The following PACRG variants were observed in gnomAD, a reference collection of about 807,000 sequenced individuals.
PACRG encodes parkin coregulated gene protein.
A neutral mutation model predicts 29.7 loss-of-function variants in PACRG; 29 were observed. The ratio of observed to expected loss-of-function variants is 0.98; its 90% CI spans 0.73 to 1.33. PACRG has a LOEUF of 1.33. Among genes scored for constraint, PACRG ranks in the 40% most tolerant of loss-of-function variants. The pLI, the probability that PACRG is intolerant of heterozygous loss-of-function variation, is 0.00. For synonymous variants in PACRG, 116 were observed against 118.7 expected (o/e 0.98, Z 0.15); for missense variants, 279 against 316.2 (o/e 0.88, Z 0.89).
Position 162,895,902 on chromosome 6 carries a change from T to G in PACRG, c.291+81621T>G, listed in dbSNP as rs576603949. On this transcript the variant is annotated intron_variant, in intron 2 of 4. Transcript: ENST00000366888. ...AACAGTTTCTATTATTTGTAACTTT[T>G]TCTTTGTAGTGTTTACTGTGAAGAT... Among the ~76,000 whole-genome samples, 4 of 152,368 alleles carry G rather than the reference T, an allele frequency of 2.6e-5. No homozygotes were observed. In the South Asian group the frequency reaches 8.3e-4, roughly 32 times the overall value.
At chr6:162,905,132 G>T (rs1179632031) in intron 2 of PACRG, among the ~76,000 whole-genome samples, 1 of 152,172 alleles carries the variant, frequency 6.6e-6, no homozygotes, top group Non-Finnish European at 1.5e-5. Flanking sequence ...ACAAGGTGGT[G>T]GTGGCCTCGT....
At chr6:162,857,104 A>G (rs961816580) in intron 2 of PACRG, among the ~76,000 whole-genome samples, 2 of 152,220 alleles carry the variant, frequency 1.3e-5, no homozygotes, top group South Asian at 4.2e-4. Flanking sequence ...CGGGGTGGGT[A>G]AAGAGGGGAG....
intron 4 of PACRG, among the ~76,000 whole-genome samples, chr6:163,222,120 CT>C (rs1781605947): frequency 6.6e-6 from 1 of 152,138 alleles, no homozygotes; most frequent in Admixed American, 6.5e-5. Flanking sequence ...ATTTTGTAAA[CT>C]TTTATTATAG....
At chr6:163,192,385 T>A (rs900568859) in intron 4 of PACRG, among the ~76,000 whole-genome samples, 4 of 152,278 alleles carry the variant, frequency 2.6e-5, no homozygotes, top group Non-Finnish European at 5.9e-5. Flanking sequence ...ATCCATTGTT[T>A]AGAACTGTAA....
intron 1 of PACRG, among the ~76,000 whole-genome samples, chr6:162,780,938 T>G (rs1050844128): frequency 6.6e-6 from 1 of 151,964 alleles, no homozygotes; most frequent in Non-Finnish European, 1.5e-5. Context: ...GTAATTCAAG[T>G]CACTGAATGA....
chr6:163,015,347 A>C (rs1282892334), intron 2 of PACRG, among the ~76,000 whole-genome samples: 2 of 152,118 alleles, frequency 1.3e-5, no homozygotes, highest in Middle Eastern at 3.2e-3. Flanking sequence ...TTCTGGTTCT[A>C]TATGAATTTT....
chr6:162,881,408 G>A (rs1162156381), intron 2 of PACRG, among the ~76,000 whole-genome samples: 1 of 152,136 alleles, frequency 6.6e-6, no homozygotes, highest in Non-Finnish European at 1.5e-5. Context: ...AATCCGGTGG[G>A]AAATTTAAAT....
At chr6:162,781,124 A>G (rs957149513) in intron 1 of PACRG, among the ~76,000 whole-genome samples, 32 of 152,058 alleles carry the variant, frequency 2.1e-4, no homozygotes, top group African/African-American at 7.7e-4. Context: ...TAATAAGGAG[A>G]ACATCTTAAC....
At chr6:163,293,735 A>G (rs1262439838) in intron 4 of PACRG, among the ~76,000 whole-genome samples, 1 of 152,222 alleles carries the variant, frequency 6.6e-6, no homozygotes. Context: ...CTGAAATATT[A>G]AAGTAAGGTA....
At chr6:163,196,359 A>G (rs1335667821) in intron 4 of PACRG, among the ~76,000 whole-genome samples, 1 of 152,184 alleles carries the variant, frequency 6.6e-6, no homozygotes, top group Admixed American at 6.5e-5. Flanking sequence ...TTTCGCCAAC[A>G]TGTATCCGCT....
At chr6:162,961,216 T>C (rs1800589782) in intron 2 of PACRG, among the ~76,000 whole-genome samples, 1 of 152,238 alleles carries the variant, frequency 6.6e-6, no homozygotes, top group African/African-American at 2.4e-5. Context: ...GTGTCATCCC[T>C]GTTACTTTCA....
intron 4 of PACRG, among the ~76,000 whole-genome samples, chr6:163,123,823 G>A (rs933668688): frequency 1.3e-5 from 2 of 152,196 alleles, no homozygotes; most frequent in South Asian, 2.1e-4. Context: ...ACAAATGGTA[G>A]TATTTCCTTC....
intron 2 of PACRG, among the ~76,000 whole-genome samples, chr6:162,815,053 T>A (rs1053557623): frequency 1.3e-5 from 2 of 152,178 alleles, no homozygotes; most frequent in African/African-American, 4.8e-5. Flanking sequence ...TGCTATTTAA[T>A]TATTGTTGTT....
At chr6:163,070,567 A>T (rs1811948544) in intron 3 of PACRG, among the ~76,000 whole-genome samples, 1 of 152,082 alleles carries the variant, frequency 6.6e-6, no homozygotes, top group East Asian at 1.9e-4. Context: ...AATAAAAAGC[A>T]AGAAATCAAA....
chr6:163,221,140 A>G (rs1247828754), intron 4 of PACRG, among the ~76,000 whole-genome samples: 2 of 152,246 alleles, frequency 1.3e-5, no homozygotes, highest in Non-Finnish European at 2.9e-5. Context: ...TCAGTCATCT[A>G]GAAAGCATTT....
chr6:162,776,940 CA>C (rs1191112187), intron 1 of PACRG, among the ~76,000 whole-genome samples: 2 of 151,940 alleles, frequency 1.3e-5, no homozygotes, highest in African/African-American at 4.8e-5. Context: ...GAAAGGGTGG[CA>C]GGGGGATGAG....
rs1432385349 is a variant in PACRG at position 163,013,298 on chromosome 6, A to G, written c.292-48852A>G. Among the ~76,000 whole-genome samples the G allele has an allele frequency of 3.4e-5, 5 of 149,008 alleles. No homozygotes were observed. The East Asian group carries it at 7.9e-4, about 24-fold the overall frequency. Reference sequence around the variant, plus strand: ...TATTTATTTATTTATTTATTTTGGTAGCCATACTCATAAGTTAGCACTACG... The same window carrying G: ...TATTTATTTATTTATTTATTTTGGTGGCCATACTCATAAGTTAGCACTACG... On this transcript the variant is annotated intron_variant, in intron 2 of 4. Coordinates refer to ENST00000366888, the MANE Select transcript of PACRG (RefSeq NM_001080379.2).
In PACRG at chr6:163,169,529, G is replaced by A. The variant is rs562827132; in HGVS notation, c.613+80121G>A. On this transcript the variant is annotated intron_variant, in intron 4 of 4. Transcript: ENST00000366888. Reference sequence around the variant, plus strand: ...CGTGTGGTACTGACCAGGGATGGGGGAATTGTTGTTGCGGGTGTGGAACTG... The same window carrying A: ...CGTGTGGTACTGACCAGGGATGGGGAAATTGTTGTTGCGGGTGTGGAACTG... Among the ~76,000 whole-genome samples the A allele has an allele frequency of 2.6e-5, 4 of 152,330 alleles. No homozygotes were observed. The South Asian group carries it at 8.3e-4, about 32-fold the overall frequency.
intron 2 of PACRG, among the ~76,000 whole-genome samples, chr6:163,035,234 C>T (rs138629381): frequency 3.3e-5 from 5 of 152,106 alleles, no homozygotes; most frequent in Non-Finnish European, 5.9e-5. Context: ...TTAACTGGGC[C>T]GGGCACAGTG....
Sources: allele counts gnomAD v4.1 joint callset (sites outside exome capture counted in the v4.1 genomes callset), GRCh38; gene constraint gnomAD v4.1.1; transcripts MANE v1.5; gene names NCBI Gene and HGNC (gene_info 2026-07-23, HGNC 2026-07-21).